Variants in TMEM131 observed in about 807,000 individuals in gnomAD.
TMEM131 encodes 2610524E03Rik.
TMEM131 carries 66 observed loss-of-function variants against 211.6 expected under a neutral mutation model. That is an observed-to-expected ratio of 0.31 (90% CI 0.26 to 0.38). The LOEUF is 0.38. Among genes scored for constraint, TMEM131 ranks in the 10% least tolerant of loss-of-function variants. TMEM131 has a pLI of 1.00. For missense variants in TMEM131, 2,036 were observed against 2,299.3 expected (o/e 0.89, Z 2.34); for synonymous variants, 844 against 841.3 (o/e 1.00, Z -0.06).
chr2:97,759,307 G>C (rs369161812), intron 39 of TMEM131: 156 of 561,464 alleles, frequency 2.8e-4, no homozygotes, highest in African/African-American at 2.8e-3. Context: ...ATAGCTAATG[G>C]GAAGCTTCCA....
chr2:97,813,940 T>A, intron 15 of TMEM131, 31 bp downstream of exon 15: 2 of 1,503,468 alleles, frequency 1.3e-6, no homozygotes, highest in Non-Finnish European at 1.8e-6. Flanking sequence ...GGGCAGGGAG[T>A]TTAAATGTTA....
rs192854886 is a variant in TMEM131 at position 97,809,577 on chromosome 2, A to G, written c.2055+111T>C. ...AAGAACCTGGTATAATGTCTTTAAA[A>G]TAAATGACTAATAAAGAATAACTGA... On this transcript the variant is annotated intron_variant, in intron 19 of 40. Transcript: ENST00000186436. 116 of 751,736 alleles carry G rather than the reference A, an allele frequency of 1.5e-4. No individual in the cohort carries two copies. The East Asian group carries it at 3.1e-3, about 20-fold the overall frequency. 46.6% of individuals were successfully genotyped at this position (751,736 alleles called of 1,614,324 possible).
intron 1 of TMEM131, 38 bp from the exon 2 acceptor site, chr2:97,927,525 C>G (rs753524118): frequency 7.4e-6 from 11 of 1,480,414 alleles, no homozygotes; most frequent in South Asian, 1.5e-5. Context: ...CTTACAGGAA[C>G]ATAAATTTGA....
intron 3 of TMEM131, among the ~76,000 whole-genome samples, chr2:97,906,076 AG>A (rs1209122427): frequency 1.3e-5 from 2 of 152,198 alleles, no homozygotes; most frequent in African/African-American, 4.8e-5. Context: ...TTTAGTTGTA[AG>A]GGGTATCAAG....
chr2:97,870,759 G>T (rs897343941), intron 4 of TMEM131, among the ~76,000 whole-genome samples: 5 of 152,214 alleles, frequency 3.3e-5, no homozygotes, highest in African/African-American at 1.2e-4. Flanking sequence ...GTTAAGCATA[G>T]TTTTGGGCAG....
chr2:97,899,903 ACT>A (rs987058234), intron 3 of TMEM131, among the ~76,000 whole-genome samples: 11 of 151,874 alleles, frequency 7.2e-5, no homozygotes, highest in Non-Finnish European at 8.8e-5. Context: ...CACAAAATCT[ACT>A]CTCTCAGCAA....
chr2:97,831,445 G>C (rs1410025134), intron 11 of TMEM131, among the ~76,000 whole-genome samples: 1 of 152,114 alleles, frequency 6.6e-6, no homozygotes, highest in Non-Finnish European at 1.5e-5. Context: ...GTGAATGAAG[G>C]CGGGAATAAG....
chr2:97,805,603 T>C lies in TMEM131; in HGVS notation c.2156A>G (p.Tyr719Cys), dbSNP rs1467144627. 1.9e-6 allele frequency: 3 copies of C among 1,611,718 alleles called. No homozygotes were observed. The highest frequency in any genetic ancestry group is 1.3e-5 in the African/African-American group (1 of 74,914). ...TTCCTTATTGCCCCGTAATCGTTTA[T>C]AGTAAAATCGCACATCTTCTGACAA... Reference protein sequence around the residue: ...RSLSEDVRFYYKRLRGNKEDL... With the variant: ...RSLSEDVRFYCKRLRGNKEDL... Residue 719 changes from tyrosine (Y) to cysteine (C), a missense_variant, in exon 20 of 41, where the codon TAT (tyrosine) becomes TGT (cysteine). Tyr to Cys is a radical substitution (Grantham distance 194, BLOSUM62 -2). Transcript: ENST00000186436.
At chr2:97,968,517 T>C (rs901027981) in intron 1 of TMEM131, among the ~76,000 whole-genome samples, 49 of 152,160 alleles carry the variant, frequency 3.2e-4, no homozygotes, top group Middle Eastern at 3.4e-3. Context: ...GGCACTCCTA[T>C]CTCCCTGCAG....
intron 1 of TMEM131, among the ~76,000 whole-genome samples, chr2:97,982,369 T>C (rs1316013242): frequency 6.6e-6 from 1 of 152,202 alleles, no homozygotes; most frequent in African/African-American, 2.4e-5. Flanking sequence ...TTGCACTGTC[T>C]GTTGTAACTG....
chr2:97,792,712 C>A lies in TMEM131; in HGVS notation c.3818G>T (p.Gly1273Val), dbSNP rs1476318996. The part of the protein sequence containing the change: ...LVLDSNTVTQ[G>V]HTAGRKSKGA... ...TTTGGACTTTCTGCCCGCTGTATGA[C>A]CTTGAGTCACTGTGTTCGAATCTAA... The change falls in exon 31 of 41, where the codon GGT becomes GTT. Residue 1273 changes from glycine to valine, a missense_variant. Gly to Val is a moderately radical substitution (Grantham distance 109). Around this residue, in one of 3 missense-constraint regions of TMEM131, gnomAD observed 1,623 missense variants for 1,805.9 expected, o/e 0.90. Coordinates refer to ENST00000186436, the MANE Select transcript of TMEM131 (RefSeq NM_015348.2). 11 of 1,613,902 alleles carry A rather than the reference C, an allele frequency of 6.8e-6. No homozygotes were observed. In the East Asian group the frequency reaches 2.2e-4, roughly 33 times the overall value.
At chr2:97,963,428 T>C (rs1222926503) in intron 1 of TMEM131, among the ~76,000 whole-genome samples, 1 of 152,174 alleles carries the variant, frequency 6.6e-6, no homozygotes, top group Non-Finnish European at 1.5e-5. Context: ...ATTTTTGAGA[T>C]TGCAGGCCAG....
intron 1 of TMEM131, among the ~76,000 whole-genome samples, chr2:97,995,273 G>A (rs1373101438): frequency 6.6e-6 from 1 of 152,246 alleles, no homozygotes; most frequent in Non-Finnish European, 1.5e-5. Flanking sequence ...ACAGGAGACG[G>A]GGGAAGGCAC....
intron 4 of TMEM131, among the ~76,000 whole-genome samples, chr2:97,886,887 A>C (rs1675183380): frequency 6.6e-6 from 1 of 152,248 alleles, no homozygotes; most frequent in Non-Finnish European, 1.5e-5. Context: ...TTGACTCAGC[A>C]AGATGAAAAA....
chr2:97,842,569 AGTGGAGGGCATTCAGACAGCTAAT>A (rs1451155757), intron 6 of TMEM131, among the ~76,000 whole-genome samples: 14 of 151,920 alleles, frequency 9.2e-5, no homozygotes, highest in African/African-American at 3.4e-4. Flanking sequence ...GTTGGGGGAG[AGTGGAGGGCATTCAGACAGCTAAT>A]GTGTAATCCA....
intron 35 of TMEM131, chr2:97,764,457 C>G (rs1412467182): frequency 6.6e-6 from 1 of 152,484 alleles, no homozygotes; most frequent in Non-Finnish European, 1.5e-5. Context: ...GCAGTGAGGG[C>G]AGAGAGGTCA....
At chr2:97,945,704 C>G (rs1678000604) in intron 1 of TMEM131, among the ~76,000 whole-genome samples, 1 of 152,034 alleles carries the variant, frequency 6.6e-6, no homozygotes, top group African/African-American at 2.4e-5. Context: ...CTGTCAACAG[C>G]AGGTGAATCT....
chr2:97,818,493 C>G, intron 12 of TMEM131, 120 bp downstream of exon 12: 1 of 354,128 alleles, frequency 2.8e-6, no homozygotes. Flanking sequence ...TCAACCTAAG[C>G]AGTAATATAA....
At chr2:97,785,363 G>A (rs535620092) in intron 31 of TMEM131, among the ~76,000 whole-genome samples, 48 of 152,272 alleles carry the variant, frequency 3.2e-4, no homozygotes, top group Admixed American at 1.2e-3. Flanking sequence ...CAAAAGACAT[G>A]AAGAAGGTAT....
Sources: allele counts gnomAD v4.1 joint callset (sites outside exome capture counted in the v4.1 genomes callset), GRCh38; gene constraint gnomAD v4.1.1; regional missense constraint gnomAD v4.1.1; transcripts MANE v1.5; gene names NCBI Gene and HGNC (gene_info 2026-07-23, HGNC 2026-07-21).